Variants in BORA observed in about 807,000 individuals in gnomAD.
The protein encoded by BORA is BORA aurora kinase A activator, also known as protein aurora borealis.
Under a neutral mutation model 55.8 loss-of-function variants are expected in BORA, and 26 were observed. That is an observed-to-expected ratio of 0.47 (90% CI 0.34 to 0.65). The LOEUF (loss-of-function observed/expected upper bound fraction) is 0.65, where lower values mean the gene tolerates loss of function less well. Among genes scored for constraint, BORA ranks in the 30% least tolerant of loss-of-function variants. The probability of loss-of-function intolerance (pLI) is 0.01; values close to 1 mark genes in which losing one functional copy is unlikely to be tolerated. For synonymous variants in BORA, 201 were observed against 216.9 expected, an observed-to-expected ratio of 0.93 and a Z score of 0.64; for missense variants, 568 against 671.5, an observed-to-expected ratio of 0.85 and a Z score of 1.70.
In BORA at chr13:72,753,599, G is replaced by A. The variant is rs1177779039; in HGVS notation, c.1483-91G>A. ...TATTACATGTTAGGATCATTCAGAT[G>A]TAGTGAATGAGAGTTTATAGTGGTT... On this transcript the variant is annotated intron_variant, in intron 10 of 11. Coordinates refer to ENST00000390667, the MANE Select transcript of BORA (RefSeq NM_024808.5). The A allele has an allele frequency of 5.6e-6, 7 of 1,254,778 alleles. No individual in the cohort carries two copies. In the African/African-American group the frequency reaches 6.0e-5, roughly 11 times the overall value. 77.7% of individuals were successfully genotyped at this position (1,254,778 alleles called of 1,614,324 possible). A position where few individuals can be genotyped will look rare whatever the true frequency, so the allele number is the denominator to read the frequency against.
At position 72,745,869 on chromosome 13, in the gene BORA, A is replaced by G. The variant is rs556269077; in HGVS notation, c.739-75A>G. On this transcript the variant is annotated intron_variant, in intron 8 of 11. Coordinates refer to ENST00000390667, the MANE Select transcript of BORA (RefSeq NM_024808.5). The stretch of plus-strand genomic sequence containing the variant: ...AGTTTATAAGTGTGTTTTGAAGACC[A>G]TGATAAATAGCATGCAGCATAAGAG... The G allele has an allele frequency of 3.2e-5, 43 of 1,331,034 alleles. No individual in the cohort carries two copies. In the African/African-American group the frequency reaches 5.5e-4, roughly 17 times the overall value. 82.5% of individuals were successfully genotyped at this position (1,331,034 alleles called of 1,614,324 possible).
Position 72,753,776 on chromosome 13 carries a change from A to G in BORA, c.1569A>G (p.Ala523=), listed in dbSNP as rs1261265047. ...AAAGTTACTGCAAAGAAAGTGATGC[A>G]CAAACATGTGAAGTTGAGAGTAAAT... The part of the protein sequence containing the change: ...GAESYCKESD[A]QTCEVESKSQ... Residue 523 remains alanine, a synonymous_variant, in exon 11 of 12, where the codon GCA becomes GCG. Coordinates refer to ENST00000390667, the MANE Select transcript of BORA (RefSeq NM_024808.5). 15 of 1,613,604 alleles carry G rather than the reference A, an allele frequency of 9.3e-6. No homozygotes were observed. Among genetic ancestry groups the G allele is most frequent in the Non-Finnish European group, 1.1e-5 (13 of 1,179,624 alleles).
At chr13:72,740,259 A>G (rs2033009423) in intron 5 of BORA, among the ~76,000 whole-genome samples, 1 of 152,154 alleles carries the variant, frequency 6.6e-6, no homozygotes, top group African/African-American at 2.4e-5. Context: ...GGGAATTAAT[A>G]GGAATGTTAA....
At chr13:72,731,440 G>A (rs1389463482) in intron 3 of BORA, 53 bp downstream of exon 3, 3 of 1,288,234 alleles carry the variant, frequency 2.3e-6, no homozygotes, top group Non-Finnish European at 2.2e-6. Flanking sequence ...AGTGAAGAGA[G>A]GTAGGAAATT....
At chr13:72,731,446 A>G in intron 3 of BORA, 59 bp downstream of exon 3, 1 of 1,239,892 alleles carries the variant, frequency 8.1e-7, no homozygotes, top group East Asian at 2.3e-5. Context: ...GAGAGGTAGG[A>G]AATTCTAAAT....
chr13:72,747,422 T>C (rs1334786176), intron 10 of BORA, among the ~76,000 whole-genome samples: 1 of 152,150 alleles, frequency 6.6e-6, no homozygotes, highest in Non-Finnish European at 1.5e-5. Flanking sequence ...CACTGTTTCA[T>C]GTGGATCCAG....
chr13:72,753,356 T>TG lies in BORA; in HGVS notation c.1483-332dup, dbSNP rs546495092. Reference sequence around the variant, plus strand: ...TTAGAGACAAGCCTGGAAAATGCGTTGGAAGGTGAAGTTAGTTGTAATACT... The same window carrying TG: ...TTAGAGACAAGCCTGGAAAATGCGTTGGGAAGGTGAAGTTAGTTGTAATACT... On this transcript the variant is annotated intron_variant, in intron 10 of 11. Transcript: ENST00000390667. 1.5e-4 allele frequency: 26 copies of TG among 174,762 alleles called. No homozygotes were observed. In the South Asian group the frequency reaches 3.3e-3, roughly 22 times the overall value. 10.8% of individuals were successfully genotyped at this position (174,762 alleles called of 1,614,324 possible).
chr13:72,733,103 A>G (rs998885427), intron 3 of BORA, among the ~76,000 whole-genome samples: 5 of 152,250 alleles, frequency 3.3e-5, no homozygotes, highest in African/African-American at 7.2e-5. Context: ...TAATTTAATA[A>G]TATAATTCAA....
intron 10 of BORA, among the ~76,000 whole-genome samples, chr13:72,750,029 G>C: frequency 6.6e-6 from 1 of 152,172 alleles, no homozygotes; most frequent in Non-Finnish European, 1.5e-5. Flanking sequence ...AACAAAAACA[G>C]AACGAATACG....
At chr13:72,754,700 G>T (rs1162159180) in intron 11 of BORA, 1 of 152,568 alleles carries the variant, frequency 6.6e-6, no homozygotes, top group Non-Finnish European at 1.5e-5. Context: ...GATAAATGAA[G>T]GATTTTTTTA....
intron 11 of BORA, 29 bp from the exon 12 acceptor site, chr13:72,755,121 GA>G (rs753838350): frequency 6.2e-7 from 1 of 1,604,420 alleles, no homozygotes; most frequent in Admixed American, 1.7e-5. Context: ...TACTTAAACT[GA>G]AAACAAGGTA....
chr13:72,751,520 CCTCAT>C (rs1220072085), intron 10 of BORA, among the ~76,000 whole-genome samples: 1 of 152,024 alleles, frequency 6.6e-6, no homozygotes, highest in Non-Finnish European at 1.5e-5. Context: ...ACATGTACTC[CCTCAT>C]GTGGAAGCTA....
intron 10 of BORA, among the ~76,000 whole-genome samples, chr13:72,751,179 C>T (rs923990158): frequency 3.3e-5 from 5 of 152,026 alleles, no homozygotes; most frequent in Admixed American, 1.3e-4. Context: ...TGAATTAGTA[C>T]AGCTATTATG....
chr13:72,753,449 T>TA (rs2033335976), intron 10 of BORA: 1 of 336,784 alleles, frequency 3.0e-6, no homozygotes, highest in Non-Finnish European at 5.4e-6. Context: ...TGTTCACTGA[T>TA]TCTTAAGGAA....
Position 72,745,978 on chromosome 13 carries a change from C to T in BORA, c.773C>T (p.Ala258Val), listed in dbSNP as rs367766365. Reference sequence around the variant, plus strand: ...TCTTCTAGCCCTATTCAGGCTAGTGCAAAAAAATACAGCTTGGGAAGCATA... The same window carrying T: ...TCTTCTAGCCCTATTCAGGCTAGTGTAAAAAAATACAGCTTGGGAAGCATA... Reference protein sequence around the residue: ...QFSSSPIQASAKKYSLGSITS... With the variant: ...QFSSSPIQASVKKYSLGSITS... The change falls in exon 9 of 12, where the codon GCA (alanine) becomes GTA (valine). Residue 258 changes from alanine to valine, a missense_variant. Coordinates refer to ENST00000390667, the MANE Select transcript of BORA (RefSeq NM_024808.5). The T allele has an allele frequency of 5.6e-5, 90 of 1,612,526 alleles. No homozygotes were observed. Among genetic ancestry groups the T allele is most frequent in the Non-Finnish European group, 7.5e-5 (88 of 1,179,012 alleles).
At chr13:72,743,491 A>G (rs775312706) in intron 5 of BORA, 46 bp from the exon 6 acceptor site, 1 of 1,365,358 alleles carries the variant, frequency 7.3e-7, no homozygotes, top group Non-Finnish European at 1.0e-6. Context: ...GCTAAAGCAA[A>G]TGAAGAGTAT....
chr13:72,740,759 A>C (rs1477489376), intron 5 of BORA, among the ~76,000 whole-genome samples: 4 of 152,242 alleles, frequency 2.6e-5, no homozygotes, highest in Non-Finnish European at 5.9e-5. Context: ...TATTTAAAAA[A>C]ATAGGTGAAA....
chr13:72,742,467 A>G (rs1465880768), intron 5 of BORA, among the ~76,000 whole-genome samples: 1 of 152,010 alleles, frequency 6.6e-6, no homozygotes, highest in Non-Finnish European at 1.5e-5. Context: ...GGTTTTGTCA[A>G]AATAATCTGG....
intron 10 of BORA, among the ~76,000 whole-genome samples, chr13:72,747,671 C>G (rs996182651): frequency 3.3e-5 from 5 of 151,700 alleles, no homozygotes; most frequent in African/African-American, 1.2e-4. Context: ...GTAGCTGGGA[C>G]TACAGGTGTG....
Sources: gnomAD v4.1 joint callset for allele counts (sites outside exome capture counted in the v4.1 genomes callset) on GRCh38, gnomAD v4.1.1 for gene constraint, MANE v1.5 for transcripts, NCBI Gene and HGNC (gene_info 2026-07-23, HGNC 2026-07-21) for gene names.